ZNF772: variants seen among roughly 807,000 people sequenced by gnomAD.
ZNF772 encodes the protein zinc finger protein 772.
Under a neutral mutation model 11.0 loss-of-function variants are expected in ZNF772, and 8 were observed. That is an observed-to-expected ratio of 0.73 (90% CI 0.43 to 1.31). ZNF772 has a LOEUF of 1.31. ZNF772 is among the 50% of genes most tolerant of loss of function. The probability of loss-of-function intolerance (pLI) is 0.01; values close to 1 mark genes in which losing one functional copy is unlikely to be tolerated. For synonymous variants in ZNF772, 155 were observed against 180.4 expected, an observed-to-expected ratio of 0.86 and a Z score of 1.13; for missense variants, 496 against 552.3, an observed-to-expected ratio of 0.90 and a Z score of 1.02.
At position 57,475,553 on chromosome 19, in the gene ZNF772, A is replaced by T; in HGVS notation, c.199+107T>A. 1 of 1,561,780 alleles carries T rather than the reference A, an allele frequency of 6.4e-7. No homozygotes were observed. Among genetic ancestry groups the T allele is most frequent in the Non-Finnish European group, 8.8e-7 (1 of 1,134,678 alleles). ...CAGAACCTACTCCAGGCACTAAGAA[A>T]TGAGACAGTGTCCACGGCTCTGATG... On this transcript the variant is annotated intron_variant, in intron 3 of 3. Transcript: ENST00000356584. This position sits in a 1 kb window ranked among gnomAD's most constrained non-coding sequence, Gnocchi z 4.2.
Position 57,472,179 on chromosome 19 carries a change from T to C in ZNF772, c.*1095A>G, listed in dbSNP as rs577515949. On this transcript the variant is annotated 3_prime_UTR_variant, in exon 4 of 4. Coordinates refer to ENST00000356584, the MANE Select transcript of ZNF772 (RefSeq NM_001144068.2). Reference sequence around the variant, plus strand: ...AAGGGTCATATTCCCTATAGTTTGCTGCAGTTTTCTCATTCCTTTATTAAT... The same window carrying C: ...AAGGGTCATATTCCCTATAGTTTGCCGCAGTTTTCTCATTCCTTTATTAAT... 131 of 456,224 alleles carry C rather than the reference T, an allele frequency of 2.9e-4. No homozygotes were observed. Among genetic ancestry groups the C allele is most frequent in the African/African-American group, 1.8e-3 (90 of 50,202 alleles). 28.3% of individuals were successfully genotyped at this position (456,224 alleles called of 1,614,324 possible).
Position 57,469,821 on chromosome 19 carries a change from C to T in ZNF772, c.*3453G>A, listed in dbSNP as rs908154976. ...ACACTTGTAGAACCCCTTCATCAAA[C>T]GAGAGTACAGTATACATTTCAAGTG... On this transcript the variant is annotated 3_prime_UTR_variant, in exon 4 of 4. Transcript: ENST00000356584. 8.5e-5 allele frequency: 13 copies of T among 152,160 alleles called. No homozygotes were observed. The highest frequency in any genetic ancestry group is 2.7e-4 in the African/African-American group (11 of 41,446). 9.4% of individuals were successfully genotyped at this position (152,160 alleles called of 1,614,324 possible).
chr19:57,474,371 A>G lies in ZNF772; in HGVS notation c.250T>C (p.Ser84Pro), dbSNP rs2089258171. 1 of 1,612,156 alleles carries G rather than the reference A, an allele frequency of 6.2e-7. No individual in the cohort carries two copies. The highest frequency in any genetic ancestry group is 8.5e-7 in the Non-Finnish European group (1 of 1,179,990). Residue 84 changes from serine (S) to proline (P), a missense_variant, in exon 4 of 4, where the codon TCT becomes CCT. Ser to Pro is a moderately conservative substitution (Grantham distance 74). Coordinates refer to ENST00000356584, the MANE Select transcript of ZNF772 (RefSeq NM_001144068.2). ...DEEIPFEQSF[S>P]IGMSQIRIPK... ...ATCCTGATCTGTGACATTCCTATAG[A>G]AAAGCTCTGCTCAAAAGGTATCTCT...
At chr19:57,477,244 G>T in intron 1 of ZNF772, 33 bp downstream of exon 1, 2 of 1,612,992 alleles carry the variant, frequency 1.2e-6, no homozygotes, top group South Asian at 1.1e-5. Context: ...AGAGATGGGG[G>T]TCAGCGCGCA....
In ZNF772 at chr19:57,473,805, C is replaced by G; in HGVS notation, c.816G>C (p.Gln272His). ...FSRKPILAQH[Q>H]RIHTGEMPYE... ...AAGGCATTTCTCCAGTGTGGATTCT[C>G]TGGTGCTGAGCAAGTATGGGTTTGC... The change falls in exon 4 of 4, where the codon CAG becomes CAC. Residue 272 changes from glutamine (Q) to histidine (H), a missense_variant. By Grantham distance (24) the Gln-to-His change is conservative. Transcript: ENST00000356584. 6.2e-7 allele frequency: 1 copy of G among 1,613,932 alleles called. No homozygotes were observed. Among genetic ancestry groups the G allele is most frequent in the East Asian group, 2.2e-5 (1 of 44,848 alleles).
rs188781819 is a variant in ZNF772 at position 57,472,420 on chromosome 19, C to G, written c.*854G>C. On this transcript the variant is annotated 3_prime_UTR_variant, in exon 4 of 4. Coordinates refer to ENST00000356584, the MANE Select transcript of ZNF772 (RefSeq NM_001144068.2). ...TAGAGATTATCACAACAAATGCCCA[C>G]TGCTTAGGGTGACCTCAATTACACA... 592 of 291,122 alleles carry G rather than the reference C, an allele frequency of 2.0e-3. 5 individuals carry two copies. Among genetic ancestry groups the G allele is most frequent in the African/African-American group, 0.013 (565 of 44,632 alleles). 18.0% of individuals were successfully genotyped at this position (291,122 alleles called of 1,614,324 possible).
rs368900492 is a variant in ZNF772, at chr19:57,473,746, T to C, written c.875A>G (p.His292Arg). 1.5e-5 allele frequency: 25 copies of C among 1,614,208 alleles called. No homozygotes were observed. In the African/African-American group the frequency reaches 2.0e-4, roughly 13 times the overall value. The change falls in exon 4 of 4, where the codon CAT becomes CGT. Residue 292 changes from histidine to arginine, a missense_variant. By Grantham distance (29) the His-to-Arg change is conservative. Coordinates refer to ENST00000356584, the MANE Select transcript of ZNF772 (RefSeq NM_001144068.2). The stretch of plus-strand genomic sequence containing the variant: ...TTGATGTACAATAAGGTTAGAGCTA[T>C]GATTAAAAACTTTCCCACATATGCC... ...ECGICGKVFN[H>R]SSNLIVHQRV...
chr19:57,472,859 T>C lies in ZNF772; in HGVS notation c.*415A>G, dbSNP rs1048834062. The stretch of plus-strand genomic sequence containing the variant: ...GTCAGCAGAACAAAGCTCCCATTTT[T>C]CTGGCTAAAACTGGGTCATGCTCAT... On this transcript the variant is annotated 3_prime_UTR_variant, in exon 4 of 4. Transcript: ENST00000356584. 5.8e-5 allele frequency: 10 copies of C among 171,372 alleles called. No homozygotes were observed. The highest frequency in any genetic ancestry group is 1.4e-4 in the African/African-American group (6 of 41,982). 10.6% of individuals were successfully genotyped at this position (171,372 alleles called of 1,614,324 possible). A position where few individuals can be genotyped will look rare whatever the true frequency, so the allele number is the denominator to read the frequency against.
chr19:57,471,459 G>A lies in ZNF772; in HGVS notation c.*1815C>T, dbSNP rs372503570. 1.3e-5 allele frequency: 2 copies of A among 152,280 alleles called. No individual in the cohort carries two copies. Among genetic ancestry groups the A allele is most frequent in the Admixed American group, 6.5e-5 (1 of 15,298 alleles). 9.4% of individuals were successfully genotyped at this position (152,280 alleles called of 1,614,324 possible). A position where few individuals can be genotyped will look rare whatever the true frequency, so the allele number is the denominator to read the frequency against. On this transcript the variant is annotated 3_prime_UTR_variant, in exon 4 of 4. Transcript: ENST00000356584. ...TTAACATTTAAAAAAATCAGTCAAT[G>A]TAATTCATATTAAACAACTAAAACA...
intron 3 of ZNF772, among the ~76,000 whole-genome samples, chr19:57,474,682 A>G (rs934563560): frequency 1.3e-5 from 2 of 152,254 alleles, no homozygotes; most frequent in African/African-American, 4.8e-5. Context: ...GTCATTCACA[A>G]TCAGATTTTC....
At position 57,477,317 on chromosome 19, in the gene ZNF772, GT is replaced by G. The variant is rs770036862; in HGVS notation, c.-9del. The G allele has an allele frequency of 1.2e-6, 2 of 1,612,946 alleles. No homozygotes were observed. Among genetic ancestry groups the G allele is most frequent in the African/African-American group, 2.7e-5 (2 of 74,830 alleles). The stretch of plus-strand genomic sequence containing the variant: ...CGGCTCAGCCGCCGCCATCAGGCCT[GT>G]GGACTACGGAAGGGTGGCGACAAGT... On this transcript the variant is annotated 5_prime_UTR_variant, in exon 1 of 4. Coordinates refer to ENST00000356584, the MANE Select transcript of ZNF772 (RefSeq NM_001144068.2).
In ZNF772 at chr19:57,473,563, A is replaced by C; in HGVS notation, c.1058T>G (p.Ile353Ser). The C allele has an allele frequency of 6.2e-7, 1 of 1,612,636 alleles. No homozygotes were observed. Among genetic ancestry groups the C allele is most frequent in the Non-Finnish European group, 8.5e-7 (1 of 1,179,132 alleles). ...GKYFGHKYRL[I>S]KHWSVHTGAR... The stretch of plus-strand genomic sequence containing the variant: ...TCCAGTATGAACACTCCAATGTTTA[A>C]TGAGTCTGTATTTGTGACCAAAGTA... Residue 353 changes from isoleucine (I) to serine (S), a missense_variant, in exon 4 of 4, where the codon ATT (isoleucine) becomes AGT (serine). Transcript: ENST00000356584.
rs2089275954 is a variant in ZNF772, at chr19:57,475,754, G to A, written c.105C>T (p.Tyr35=). The A allele has an allele frequency of 1.9e-6, 3 of 1,611,762 alleles. No individual in the cohort carries two copies. Among genetic ancestry groups the A allele is most frequent in the African/African-American group, 2.7e-5 (2 of 74,864 alleles). ...GQVNFEDVFV[Y]FSQEEWVLLD... is the part of the protein sequence containing the mutation. ...GGAGCACCCACTCCTCCTGGGAGAA[G>A]TACACGAACACGTCCTCAAAGTTCA... The change falls in exon 3 of 4, where the codon TAC becomes TAT. Residue 35 remains tyrosine, a synonymous_variant. Coordinates refer to ENST00000356584, the MANE Select transcript of ZNF772 (RefSeq NM_001144068.2). This position sits in a 1 kb window ranked among gnomAD's most constrained non-coding sequence, Gnocchi z 4.2.
Position 57,472,450 on chromosome 19 carries a change from A to G in ZNF772, c.*824T>C, listed in dbSNP as rs1172685373. The G allele has an allele frequency of 1.1e-5, 3 of 265,882 alleles. No homozygotes were observed. Among genetic ancestry groups the G allele is most frequent in the African/African-American group, 4.6e-5 (2 of 43,846 alleles). The allele number at this position is 265,882 out of a possible 1,614,324, so 16.5% of individuals were successfully genotyped here. ...TAGGGTGACCTCAATTACACAAAAA[A>G]TCTTAACATATAGACCAAAAGATTA... On this transcript the variant is annotated 3_prime_UTR_variant, in exon 4 of 4. Transcript: ENST00000356584.
rs1287048205 is a variant in ZNF772 at position 57,477,338 on chromosome 19, A to G, written c.-29T>C. On this transcript the variant is annotated 5_prime_UTR_variant, in exon 1 of 4. Transcript: ENST00000356584. ...GCCTGTGGACTACGGAAGGGTGGCG[A>G]CAAGTGCAGGAACCTGGGATCAGCT... The G allele has an allele frequency of 6.2e-7, 1 of 1,613,022 alleles. No homozygotes were observed. The highest frequency in any genetic ancestry group is 8.5e-7 in the Non-Finnish European group (1 of 1,179,612).
Position 57,477,407 on chromosome 19 carries a change from C to A in ZNF772, c.-98G>T. On this transcript the variant is annotated 5_prime_UTR_variant, in exon 1 of 4. Coordinates refer to ENST00000356584, the MANE Select transcript of ZNF772 (RefSeq NM_001144068.2). ...CGGCTAGGTCACTCAGGCAGCGCCA[C>A]TGTCAAGCCTCAGGCCCACCTCTCT... The A allele has an allele frequency of 7.3e-7, 1 of 1,369,758 alleles. No homozygotes were observed. Among genetic ancestry groups the A allele is most frequent in the Non-Finnish European group, 1.0e-6 (1 of 975,130 alleles). 84.9% of individuals were successfully genotyped at this position (1,369,758 alleles called of 1,614,324 possible). A position where few individuals can be genotyped will look rare whatever the true frequency, so the allele number is the denominator to read the frequency against.
chr19:57,473,308 C>A lies in ZNF772; in HGVS notation c.1313G>T (p.Arg438Leu). 1 of 1,613,066 alleles carries A rather than the reference C, an allele frequency of 6.2e-7. No homozygotes were observed. The highest frequency in any genetic ancestry group is 1.7e-5 in the Admixed American group (1 of 59,924). ...TTCTCCAGTGTGAATTTTCCAGTGG[C>A]GGATGAGGGAAGCCCTCTGCCTGAA... ...KAFRQRASLI[R>L]HWKIHTGERP is the part of the protein sequence containing the mutation. Residue 438 changes from arginine (R) to leucine (L), a missense_variant, in exon 4 of 4, where the codon CGC becomes CTC. Coordinates refer to ENST00000356584, the MANE Select transcript of ZNF772 (RefSeq NM_001144068.2).
intron 3 of ZNF772, 127 bp from the exon 4 acceptor site, chr19:57,474,548 A>G (rs1264910076): frequency 1.0e-6 from 1 of 967,726 alleles, no homozygotes; most frequent in Non-Finnish European, 1.5e-6. Flanking sequence ...CAAGGGTCCA[A>G]ACTCAAGTTC....
rs184171532 is a variant in ZNF772, at chr19:57,474,945, T to C, written c.200-524A>G. 77 of 1,596,292 alleles carry C rather than the reference T, an allele frequency of 4.8e-5. No homozygotes were observed. The African/African-American group carries it at 9.8e-4, about 20-fold the overall frequency. ...GAAAGGCCAGTGGCCTTAGCACTAA[T>C]ACAACTGTAGGCACAAAGAGGCTAT... On this transcript the variant is annotated intron_variant, in intron 3 of 3. Coordinates refer to ENST00000356584, the MANE Select transcript of ZNF772 (RefSeq NM_001144068.2).
Sources: gnomAD v4.1 joint callset for allele counts (sites outside exome capture counted in the v4.1 genomes callset) on GRCh38, gnomAD v4.1.1 for gene constraint, Gnocchi (gnomAD v3.1) non-coding constraint, MANE v1.5 for transcripts, NCBI Gene and HGNC (gene_info 2026-07-23, HGNC 2026-07-21) for gene names.